Variants in AP3B1 observed in about 807,000 individuals in gnomAD.
The protein encoded by AP3B1 is AP-3 complex subunit beta-1.
A neutral mutation model predicts 132.5 loss-of-function variants in AP3B1; 61 were observed. That is an observed-to-expected ratio of 0.46 (90% CI 0.37 to 0.57). The LOEUF (loss-of-function observed/expected upper bound fraction) is 0.57. Among genes scored for constraint, AP3B1 ranks in the 20% least tolerant of loss-of-function variants. The pLI, the probability that AP3B1 is intolerant of heterozygous loss-of-function variation, is 0.00. For synonymous variants in AP3B1, 388 were observed against 438.3 expected (o/e 0.89, Z 1.43); for missense variants, 1,120 against 1,289.4 (o/e 0.87, Z 2.01).
intron 1 of AP3B1, among the ~76,000 whole-genome samples, chr5:78,285,101 T>C (rs2112590747): frequency 6.6e-6 from 1 of 151,724 alleles, no homozygotes; most frequent in South Asian, 2.1e-4. Flanking sequence ...CAAAAAAAAT[T>C]AGCTGGGCGT....
chr5:78,039,545 A>G (rs1417713921), intron 22 of AP3B1, among the ~76,000 whole-genome samples: 1 of 152,014 alleles, frequency 6.6e-6, no homozygotes, highest in Non-Finnish European at 1.5e-5. Flanking sequence ...GGAGGCCGAG[A>G]CGGGGAGATC....
At chr5:78,120,532 G>A (rs1752125187) in intron 17 of AP3B1, among the ~76,000 whole-genome samples, 1 of 152,064 alleles carries the variant, frequency 6.6e-6, no homozygotes, top group Non-Finnish European at 1.5e-5. Flanking sequence ...AAAAAGGCAG[G>A]GGTTGCAATC....
intron 22 of AP3B1, among the ~76,000 whole-genome samples, chr5:78,079,461 A>C (rs1364549691): frequency 6.6e-6 from 1 of 152,194 alleles, no homozygotes; most frequent in Non-Finnish European, 1.5e-5. Flanking sequence ...AAGATTTTAC[A>C]GGACATATAA....
At chr5:78,153,731 T>C (rs1742999035) in intron 14 of AP3B1, among the ~76,000 whole-genome samples, 1 of 152,182 alleles carries the variant, frequency 6.6e-6, no homozygotes, top group African/African-American at 2.4e-5. Flanking sequence ...TTTACGTTTT[T>C]AGATTAGAGG....
intron 17 of AP3B1, chr5:78,121,654 G>C (rs906268489): frequency 4.6e-5 from 7 of 152,196 alleles, no homozygotes; most frequent in African/African-American, 1.7e-4. Flanking sequence ...GGAAGAAGTT[G>C]AATCTCTGAA....
intron 14 of AP3B1, among the ~76,000 whole-genome samples, chr5:78,150,448 G>T (rs1036358679): frequency 6.6e-6 from 1 of 152,176 alleles, no homozygotes; most frequent in Admixed American, 6.5e-5. Flanking sequence ...AAGTGCTGGA[G>T]AACCAAAATC....
At position 78,129,119 on chromosome 5, in the gene AP3B1, A is replaced by T; in HGVS notation, c.1837+2T>A. On this transcript the variant is annotated splice_donor_variant, in intron 16 of 26. Coordinates refer to ENST00000255194, the MANE Select transcript of AP3B1 (RefSeq NM_003664.5). LOFTEE classifies it high-confidence loss of function. ...TATTTTGGAGTTATATTCTGATAAT[A>T]CCTTTAAAAGGAGACTCAAGCAGTG... The T allele has an allele frequency of 6.2e-7, 1 of 1,610,614 alleles. No homozygotes were observed.
rs1750419956 is a variant in AP3B1, at chr5:78,089,505, A to C, written c.2471-6T>G. Reference sequence around the variant, plus strand: ...TGGAGTGGATACTGGGTTAACTGTAAGAAAAGGCCCAAATTAGTAAATGTG... The same window carrying C: ...TGGAGTGGATACTGGGTTAACTGTACGAAAAGGCCCAAATTAGTAAATGTG... On this transcript the variant is annotated splice_polypyrimidine_tract_variant and splice_region_variant and intron_variant, in intron 21 of 26. Coordinates refer to ENST00000255194, the MANE Select transcript of AP3B1 (RefSeq NM_003664.5). The C allele has an allele frequency of 6.3e-7, 1 of 1,575,884 alleles. No homozygotes were observed. The highest frequency in any genetic ancestry group is 2.2e-5 in the East Asian group (1 of 44,618).
In AP3B1 at chr5:78,129,241, G is replaced by A. The variant is rs1282094374; in HGVS notation, c.1717C>T (p.Arg573Cys). Residue 573 changes from arginine (R) to cysteine (C), a missense_variant, in exon 16 of 27, where the codon CGT becomes TGT. Arg to Cys is a radical substitution (Grantham distance 180, BLOSUM62 -3). Transcript: ENST00000255194. ...KYDQNYDIRD[R>C]TRFIRQLIVP... ...ATAAGCTGCCTAATAAATCTTGTACGGTCTCTGATGTCGTAGTTTTGATCA... is the reference window on the plus strand; with the variant it reads ...ATAAGCTGCCTAATAAATCTTGTACAGTCTCTGATGTCGTAGTTTTGATCA... 3.7e-6 allele frequency: 6 copies of A among 1,612,956 alleles called. No individual in the cohort carries two copies. Among genetic ancestry groups the A allele is most frequent in the African/African-American group, 2.7e-5 (2 of 74,810 alleles).
intron 24 of AP3B1, among the ~76,000 whole-genome samples, chr5:78,032,370 A>C (rs1317166386): frequency 1.3e-5 from 2 of 152,182 alleles, no homozygotes; most frequent in Non-Finnish European, 2.9e-5. Flanking sequence ...CAAGGAAAAA[A>C]TTCAATATCA....
rs1028071929 is a variant in AP3B1 at position 78,129,111 on chromosome 5, C to T, written c.1837+10G>A. The T allele has an allele frequency of 1.8e-5, 29 of 1,607,076 alleles. No homozygotes were observed. Among genetic ancestry groups the T allele is most frequent in the Non-Finnish European group, 2.5e-5 (29 of 1,176,606 alleles). On this transcript the variant is annotated intron_variant, in intron 16 of 26. Coordinates refer to ENST00000255194, the MANE Select transcript of AP3B1 (RefSeq NM_003664.5). ...ATAACATATATTTTGGAGTTATATT[C>T]TGATAATACCTTTAAAAGGAGACTC...
chr5:78,170,109 G>A (rs180844330), intron 11 of AP3B1, among the ~76,000 whole-genome samples: 3 of 152,302 alleles, frequency 2.0e-5, no homozygotes, highest in Admixed American at 2.0e-4. Flanking sequence ...TGGCTGCATA[G>A]TATTCCATGG....
intron 1 of AP3B1, among the ~76,000 whole-genome samples, chr5:78,283,078 T>C (rs567613954): frequency 1.5e-3 from 234 of 152,338 alleles, no homozygotes; most frequent in Non-Finnish European, 2.7e-3. Flanking sequence ...ATAATTACTA[T>C]GTTTATTATG....
At chr5:78,056,404 T>C (rs1179809253) in intron 22 of AP3B1, among the ~76,000 whole-genome samples, 1 of 152,208 alleles carries the variant, frequency 6.6e-6, no homozygotes, top group East Asian at 1.9e-4. Flanking sequence ...GAAAGTTCAA[T>C]AAAAGGCATT....
chr5:78,045,109 G>C (rs1748267948), intron 22 of AP3B1, among the ~76,000 whole-genome samples: 1 of 151,928 alleles, frequency 6.6e-6, no homozygotes, highest in African/African-American at 2.4e-5. Context: ...AGCCAGGTGT[G>C]GTGGCTCATG....
intron 13 of AP3B1, among the ~76,000 whole-genome samples, chr5:78,159,350 T>C (rs933475969): frequency 5.3e-5 from 8 of 152,158 alleles, no homozygotes; most frequent in Admixed American, 5.2e-4. Context: ...CACAGATTAC[T>C]AAAAACATAG....
chr5:78,227,351 TA>T lies in AP3B1; in HGVS notation c.536+20del, dbSNP rs773391461. The T allele has an allele frequency of 9.3e-6, 15 of 1,607,422 alleles. No homozygotes were observed. The African/African-American group carries it at 1.7e-4, about 19-fold the overall frequency. On this transcript the variant is annotated intron_variant, in intron 5 of 26. Transcript: ENST00000255194. ...CATGTAACATCAGAGATCTTTGGTA[TA>T]TTGTTAACAATGCACCTACCTGTAT...
intron 13 of AP3B1, among the ~76,000 whole-genome samples, chr5:78,160,035 A>T (rs1437045302): frequency 6.6e-6 from 1 of 152,226 alleles, no homozygotes; most frequent in Non-Finnish European, 1.5e-5. Context: ...AACATTCTAC[A>T]TAGGTGGTAT....
chr5:78,026,680 A>G (rs549754486), intron 24 of AP3B1, among the ~76,000 whole-genome samples: 10 of 152,288 alleles, frequency 6.6e-5, no homozygotes, highest in East Asian at 1.9e-4. Context: ...TTGATACACT[A>G]TAAGTGAAAT....
Sources: allele counts gnomAD v4.1 joint callset (sites outside exome capture counted in the v4.1 genomes callset), GRCh38; gene constraint gnomAD v4.1.1; transcripts MANE v1.5; gene names NCBI Gene and HGNC (gene_info 2026-07-23, HGNC 2026-07-21).